Variants in SLK observed in about 807,000 individuals in gnomAD.
The protein encoded by SLK is STE20-like serine/threonine-protein kinase.
In SLK, 67 loss-of-function variants were observed where a neutral mutation model predicts 147.7. The observed-to-expected ratio is 0.45, with a 90% confidence interval of 0.37 to 0.56. The LOEUF (loss-of-function observed/expected upper bound fraction) is 0.56. SLK is among the 20% of genes least tolerant of loss of function. The pLI is 0.00. For synonymous variants in SLK, 441 were observed against 475.0 expected (o/e 0.93, Z 0.93); for missense variants, 1,136 against 1,438.8 (o/e 0.79, Z 3.41).
chr10:103,973,299 C>T (rs1436944218), intron 1 of SLK, among the ~76,000 whole-genome samples: 7 of 152,154 alleles, frequency 4.6e-5, no homozygotes, highest in Admixed American at 3.3e-4. Flanking sequence ...AAATAATTCC[C>T]CACTGCTCTG....
At chr10:103,984,936 G>A (rs1254762773) in intron 1 of SLK, among the ~76,000 whole-genome samples, 1 of 152,132 alleles carries the variant, frequency 6.6e-6, no homozygotes, top group Non-Finnish European at 1.5e-5. Flanking sequence ...AACTCTTTTG[G>A]TCAAGATTTG....
rs756922799 is a variant in SLK, at chr10:104,018,258, G to A, written c.2976G>A (p.Glu992=). 1.1e-5 allele frequency: 18 copies of A among 1,593,226 alleles called. No homozygotes were observed. Among genetic ancestry groups the A allele is most frequent in the Non-Finnish European group, 1.4e-5 (17 of 1,174,222 alleles). Reference sequence around the variant, plus strand: ...CAGAGTTAGCTAATATTGAGAGAGAGTGCCTGAATAACAAGCAACAGCTCA... The same window carrying A: ...CAGAGTTAGCTAATATTGAGAGAGAATGCCTGAATAACAAGCAACAGCTCA... The part of the protein sequence containing the change: ...QKAELANIER[E]CLNNKQQLMR... Residue 992 remains glutamate (E), a synonymous_variant, in exon 14 of 19, where the codon GAG becomes GAA. Coordinates refer to ENST00000369755, the MANE Select transcript of SLK (RefSeq NM_014720.4).
intron 1 of SLK, among the ~76,000 whole-genome samples, chr10:103,987,487 G>A (rs1844033151): frequency 6.6e-6 from 1 of 151,178 alleles, no homozygotes; most frequent in African/African-American, 2.4e-5. Context: ...GCTTTGATGA[G>A]TATTTTTGTA....
rs937940767 is a variant in SLK, at chr10:104,028,806, C to G, written c.*3086C>G. 2 of 152,142 alleles carry G rather than the reference C, an allele frequency of 1.3e-5. No homozygotes were observed. Among genetic ancestry groups the G allele is most frequent in the African/African-American group, 4.8e-5 (2 of 41,434 alleles). 9.4% of individuals were successfully genotyped at this position (152,142 alleles called of 1,614,324 possible). On this transcript the variant is annotated 3_prime_UTR_variant, in exon 19 of 19. Transcript: ENST00000369755. The stretch of plus-strand genomic sequence containing the variant: ...AAGCCAAATTCTGTCCAAGTATTAA[C>G]TAGAGATATTGTTGATTAAAGAAAA...
At chr10:104,017,436 A>C (rs999813166) in intron 13 of SLK, among the ~76,000 whole-genome samples, 1 of 152,208 alleles carries the variant, frequency 6.6e-6, no homozygotes. Context: ...AAATTCTGAT[A>C]TCTGTTTTAC....
chr10:103,995,423 C>CTTTTTTTTTTTTTTTTTTTTTTT (rs756975426), intron 4 of SLK, among the ~76,000 whole-genome samples: 3 of 67,704 alleles, frequency 4.4e-5, no homozygotes, highest in Non-Finnish European at 8.3e-5. Context: ...TCTTTCTTTT[C>CTTTTTTTTTTTTTTTTTTTTTTT]TTTTTTTTTT....
At chr10:103,987,100 TG>T (rs1315671408) in intron 1 of SLK, among the ~76,000 whole-genome samples, 6 of 152,242 alleles carry the variant, frequency 3.9e-5, no homozygotes, top group South Asian at 4.1e-4. Context: ...ATTTCAGTTT[TG>T]TTTTTTTAAA....
Position 103,998,884 on chromosome 10 carries a change from T to C in SLK, c.515-15T>C. ...TTAAAAGTTCTCATTAATGCTTTTGTGTGATTATTTCAAGCGGATTTTGGA... is the reference window on the plus strand; with the variant it reads ...TTAAAAGTTCTCATTAATGCTTTTGCGTGATTATTTCAAGCGGATTTTGGA... On this transcript the variant is annotated splice_polypyrimidine_tract_variant and intron_variant, in intron 4 of 18. Transcript: ENST00000369755. 2 of 1,595,006 alleles carry C rather than the reference T, an allele frequency of 1.3e-6. No individual in the cohort carries two copies. The highest frequency in any genetic ancestry group is 1.7e-6 in the Non-Finnish European group (2 of 1,163,084).
At chr10:104,008,144 A>G (rs762625459) in intron 11 of SLK, 33 bp from the exon 12 acceptor site, 1 of 1,557,982 alleles carries the variant, frequency 6.4e-7, no homozygotes. Flanking sequence ...GGGTGATGGA[A>G]AAGTTATCAT....
chr10:103,967,999 T>G, intron 1 of SLK, 104 bp downstream of exon 1: 1 of 1,218,370 alleles, frequency 8.2e-7, no homozygotes, highest in Non-Finnish European at 1.2e-6. Flanking sequence ...TGTCCTTCTT[T>G]TGACTGTTAC....
intron 1 of SLK, among the ~76,000 whole-genome samples, chr10:103,981,950 A>C (rs1843951073): frequency 6.6e-6 from 1 of 152,098 alleles, no homozygotes. Context: ...TTAGGCCTCC[A>C]ATATATGAAC....
intron 1 of SLK, among the ~76,000 whole-genome samples, chr10:103,975,387 C>A (rs945289462): frequency 3.0e-4 from 45 of 152,164 alleles, no homozygotes; most frequent in Non-Finnish European, 5.6e-4. Flanking sequence ...ACCTAGAGGT[C>A]ATTTTTAACA....
Position 103,990,691 on chromosome 10 carries a change from C to G in SLK, c.167C>G (p.Thr56Ser). ...CATTTTCAGGCCCAGAATAAAGAGA[C>G]CAGTGTTTTAGCTGCTGCAAAAGTG... The part of the protein sequence containing the change: ...GKVYKAQNKE[T>S]SVLAAAKVID... The change falls in exon 2 of 19, where the codon ACC becomes AGC. Residue 56 changes from threonine (T) to serine (S), a missense_variant. Transcript: ENST00000369755. 3.8e-6 allele frequency: 6 copies of G among 1,558,940 alleles called. No individual in the cohort carries two copies. Among genetic ancestry groups the G allele is most frequent in the Non-Finnish European group, 3.5e-6 (4 of 1,157,412 alleles).
intron 1 of SLK, among the ~76,000 whole-genome samples, chr10:103,973,842 G>A (rs1843825283): frequency 1.3e-5 from 2 of 152,000 alleles, no homozygotes; most frequent in African/African-American, 4.8e-5. Flanking sequence ...TTTATTATAA[G>A]GTCACAACTT....
chr10:103,974,995 C>G (rs1194003164), intron 1 of SLK, among the ~76,000 whole-genome samples: 1 of 151,384 alleles, frequency 6.6e-6, no homozygotes, highest in African/African-American at 2.4e-5. Context: ...AGTCACCATA[C>G]TCTTGATTTT....
chr10:103,967,196 A>AGGCGGC lies in SLK; in HGVS notation c.-539_-534dup, dbSNP rs746734595. The AGGCGGC allele has an allele frequency of 1.1e-4, 17 of 151,792 alleles. No homozygotes were observed. The highest frequency in any genetic ancestry group is 2.1e-4 in the Non-Finnish European group (14 of 68,250). The allele number at this position is 151,792 out of a possible 1,614,324, so 9.4% of individuals were successfully genotyped here. On this transcript the variant is annotated 5_prime_UTR_variant, in exon 1 of 19. Coordinates refer to ENST00000369755, the MANE Select transcript of SLK (RefSeq NM_014720.4). ...GGCTGTGTGGGCTGGGGAGGGAGAC[A>AGGCGGC]GGCGGCGGCGGCGGCGCCCCAGACC...
chr10:104,000,064 G>A (rs1844225464), intron 7 of SLK, 116 bp downstream of exon 7: 1 of 479,950 alleles, frequency 2.1e-6, no homozygotes. Context: ...CAAAATGGCA[G>A]TAGTTAACAT....
intron 1 of SLK, among the ~76,000 whole-genome samples, chr10:103,971,306 T>C (rs928141405): frequency 1.6e-4 from 25 of 152,122 alleles, no homozygotes; most frequent in African/African-American, 6.0e-4. Flanking sequence ...ATGGAGTCCC[T>C]CTCTGTCGCC....
At chr10:103,978,279 C>T (rs1400801386) in intron 1 of SLK, among the ~76,000 whole-genome samples, 1 of 152,096 alleles carries the variant, frequency 6.6e-6, no homozygotes, top group African/African-American at 2.4e-5. Flanking sequence ...TGGCATATTA[C>T]TTTATTCCCA....
Sources: allele counts gnomAD v4.1 joint callset (sites outside exome capture counted in the v4.1 genomes callset), GRCh38; gene constraint gnomAD v4.1.1; transcripts MANE v1.5; gene names NCBI Gene and HGNC (gene_info 2026-07-23, HGNC 2026-07-21).